CACNB4: variants seen among roughly 807,000 people sequenced by gnomAD.
The protein encoded by CACNB4 is voltage-dependent L-type calcium channel subunit beta-4.
A neutral mutation model predicts 71.2 loss-of-function variants in CACNB4; 32 were observed. The observed-to-expected ratio is 0.45, with a 90% CI of 0.34 to 0.60. CACNB4 has a LOEUF of 0.60. CACNB4 is among the 20% of genes least tolerant of loss of function. CACNB4 has a pLI of 0.01. For synonymous variants in CACNB4, 231 were observed against 236.9 expected (o/e 0.97, Z 0.23); for missense variants, 464 against 647.9 (o/e 0.72, Z 3.08).
At chr2:152,053,789 T>C (rs1232141310) in intron 2 of CACNB4, among the ~76,000 whole-genome samples, 1 of 152,092 alleles carries the variant, frequency 6.6e-6, no homozygotes, top group Non-Finnish European at 1.5e-5. Context: ...CTCCCAAAAG[T>C]GCTGGGATTA....
At chr2:152,044,539 A>G (rs972173550) in intron 2 of CACNB4, among the ~76,000 whole-genome samples, 16 of 152,234 alleles carry the variant, frequency 1.1e-4, no homozygotes, top group Non-Finnish European at 4.4e-5. Flanking sequence ...TATTAAAGGG[A>G]AATTTTCTAT....
chr2:152,045,501 T>C (rs1685100021), intron 2 of CACNB4, among the ~76,000 whole-genome samples: 1 of 151,644 alleles, frequency 6.6e-6, no homozygotes, highest in Non-Finnish European at 1.5e-5. Flanking sequence ...AGTAGAAGAG[T>C]GGTCACCAGG....
chr2:151,943,676 A>G (rs1294761034), intron 2 of CACNB4, among the ~76,000 whole-genome samples: 1 of 152,210 alleles, frequency 6.6e-6, no homozygotes, highest in Non-Finnish European at 1.5e-5. Context: ...TGGGTGCCTC[A>G]TATTAGGAGG....
In CACNB4 at chr2:151,839,391, A is replaced by G. The variant is rs1396812651; in HGVS notation, c.1303-12T>C. 2.5e-6 allele frequency: 4 copies of G among 1,591,922 alleles called. No homozygotes were observed. The highest frequency in any genetic ancestry group is 2.7e-5 in the African/African-American group (2 of 74,378). On this transcript the variant is annotated splice_polypyrimidine_tract_variant and intron_variant, in intron 13 of 13. Transcript: ENST00000539935. ...CTCATTCGCTGACTCTAAAAATATC[A>G]GATAGTTCATTGATTAAATAATGTC...
chr2:151,982,909 G>GA (rs2099874975), intron 2 of CACNB4, among the ~76,000 whole-genome samples: 1 of 152,096 alleles, frequency 6.6e-6, no homozygotes, highest in East Asian at 1.9e-4. Flanking sequence ...AAGACAACCA[G>GA]AAAAATACAT....
chr2:152,020,525 TAAAG>T (rs1326210627), intron 2 of CACNB4, among the ~76,000 whole-genome samples: 4 of 152,152 alleles, frequency 2.6e-5, no homozygotes, highest in Non-Finnish European at 5.9e-5. Flanking sequence ...TGTCTGATGA[TAAAG>T]AAAGAAAAGA....
intron 2 of CACNB4, among the ~76,000 whole-genome samples, chr2:151,951,836 C>T (rs893639575): frequency 7.9e-5 from 12 of 152,274 alleles, no homozygotes; most frequent in Middle Eastern, 3.4e-3. Context: ...AAGAAGGAGG[C>T]TTTCTGAGAG....
intron 2 of CACNB4, among the ~76,000 whole-genome samples, chr2:152,011,169 C>A (rs967184357): frequency 1.3e-5 from 2 of 152,116 alleles, no homozygotes; most frequent in Non-Finnish European, 2.9e-5. Context: ...CAGGTGAGAG[C>A]CCACCTATCA....
rs147396940 is a variant in CACNB4, at chr2:152,019,572, G to A, written c.147+78758C>T. ...TGGATGGATGGATAAGTGGATACAT[G>A]AACAGGTGGATGACTGGAAAGACTA... On this transcript the variant is annotated intron_variant, in intron 2 of 13. Coordinates refer to ENST00000539935, the MANE Select transcript of CACNB4 (RefSeq NM_000726.5). 3.1e-3 allele frequency among the ~76,000 whole-genome samples: 470 copies of A among 152,250 alleles called. 5 individuals carry two copies. The highest frequency in any genetic ancestry group is 0.011 in the African/African-American group (450 of 41,548).
At chr2:152,000,062 C>T (rs1416488913) in intron 2 of CACNB4, among the ~76,000 whole-genome samples, 2 of 152,186 alleles carry the variant, frequency 1.3e-5, no homozygotes, top group African/African-American at 2.4e-5. Context: ...TATCATACTC[C>T]GACTTGACCT....
At chr2:151,861,825 A>T (rs1401015616) in intron 9 of CACNB4, 1 of 131,286 alleles carries the variant, frequency 7.6e-6, no homozygotes, top group African/African-American at 3.4e-5. Context: ...CCTGGGAGAC[A>T]GGGTGAGACC....
At chr2:151,973,863 T>C in intron 2 of CACNB4, 2 of 1,471,942 alleles carry the variant, frequency 1.4e-6, no homozygotes, top group Non-Finnish European at 1.8e-6. Flanking sequence ...ATGCTATTCA[T>C]TCACATCCCA....
At chr2:151,910,203 C>T (rs761471460) in intron 2 of CACNB4, among the ~76,000 whole-genome samples, 11 of 151,996 alleles carry the variant, frequency 7.2e-5, no homozygotes, top group Non-Finnish European at 1.2e-4. Flanking sequence ...CTGTTCCTAT[C>T]CTTTGCCCAC....
chr2:151,953,066 T>C (rs532293939), intron 2 of CACNB4, among the ~76,000 whole-genome samples: 50 of 152,306 alleles, frequency 3.3e-4, no homozygotes, highest in African/African-American at 1.1e-3. Context: ...ATTTCTGTCA[T>C]AAACCTAAGA....
Position 151,838,987 on chromosome 2 carries a change from C to A in CACNB4, c.*132G>T. ...ATGTAATTTTTTTTTTTGCCCCTTA[C>A]TTAGCATAAAATGACAGCAGCCCAT... is the stretch of plus-strand genomic sequence containing the variant. On this transcript the variant is annotated 3_prime_UTR_variant, in exon 14 of 14. Coordinates refer to ENST00000539935, the MANE Select transcript of CACNB4 (RefSeq NM_000726.5). 1.4e-6 allele frequency: 1 copy of A among 726,314 alleles called. No individual in the cohort carries two copies. The highest frequency in any genetic ancestry group is 2.2e-6 in the Non-Finnish European group (1 of 459,662). The allele number at this position is 726,314 out of a possible 1,614,324, so 45.0% of individuals were successfully genotyped here.
At chr2:151,839,549 G>A (rs976183006) in intron 13 of CACNB4, among the ~76,000 whole-genome samples, 170 bp from the exon 14 acceptor site, 1 of 152,106 alleles carries the variant, frequency 6.6e-6, no homozygotes, top group African/African-American at 2.4e-5. Flanking sequence ...TATTTATTTG[G>A]GACACAACAT....
At position 151,837,400 on chromosome 2, in the gene CACNB4, T is replaced by C. The variant is rs1578401687; in HGVS notation, c.*1719A>G. On this transcript the variant is annotated 3_prime_UTR_variant, in exon 14 of 14. Coordinates refer to ENST00000539935, the MANE Select transcript of CACNB4 (RefSeq NM_000726.5). ...AGATATATATATAACTCATCAGTAA[T>C]GTGGAACTTATTTCCATGGTCAAGA... The C allele has an allele frequency of 6.6e-6, 1 of 152,006 alleles. No individual in the cohort carries two copies. The highest frequency in any genetic ancestry group is 1.5e-5 in the Non-Finnish European group (1 of 67,918). The allele number at this position is 152,006 out of a possible 1,614,324, so 9.4% of individuals were successfully genotyped here.
intron 2 of CACNB4, among the ~76,000 whole-genome samples, chr2:151,942,215 C>T (rs2099864447): frequency 6.7e-6 from 1 of 149,150 alleles, no homozygotes; most frequent in Non-Finnish European, 1.5e-5. Context: ...TAGAACTGTG[C>T]TGTGTTGCAG....
At chr2:152,024,877 G>A (rs1469924838) in intron 2 of CACNB4, among the ~76,000 whole-genome samples, 2 of 152,088 alleles carry the variant, frequency 1.3e-5, no homozygotes, top group African/African-American at 4.8e-5. Context: ...CCAACATGGC[G>A]ACACTCCATC....
Sources: allele counts gnomAD v4.1 joint callset (sites outside exome capture counted in the v4.1 genomes callset), GRCh38; gene constraint gnomAD v4.1.1; transcripts MANE v1.5; gene names NCBI Gene and HGNC (gene_info 2026-07-23, HGNC 2026-07-21).